MS4A18: variants seen among roughly 807,000 people sequenced by gnomAD.
MS4A18 encodes membrane-spanning 4-domains subfamily A member 18.
MS4A18 carries 27 observed loss-of-function variants against 13.1 expected under a neutral mutation model. The ratio of observed to expected loss-of-function variants is 2.06; its 90% confidence interval spans 1.52 to 2.84. The LOEUF (loss-of-function observed/expected upper bound fraction) is 2.84. MS4A18 is among the 30% of genes most tolerant of loss of function. The pLI, the probability that MS4A18 is intolerant of heterozygous loss-of-function variation, is 0.00. For synonymous variants in MS4A18, 126 were observed against 76.5 expected (o/e 1.65, Z -3.38); for missense variants, 307 against 196.4 (o/e 1.56, Z -3.37).
At chr11:60,728,669 T>C (rs1490627148), upstream of MS4A18, among the ~76,000 whole-genome samples, 5 of 151,922 alleles carry the variant, frequency 3.3e-5, no homozygotes, top group Non-Finnish European at 7.4e-5. Context: ...GTCTTCTTTC[T>C]CCTTCCCTCT....
At chr11:60,729,575 G>C in exon 1 of MS4A18, 1 of 702,730 alleles carries the variant, frequency 1.4e-6, no homozygotes. Flanking sequence ...TATCCAGTGG[G>C]AACAGCCAGT....
At chr11:60,729,307 T>C (rs1853213309) in exon 1 of MS4A18, 1 of 700,792 alleles carries the variant, frequency 1.4e-6, no homozygotes, top group South Asian at 1.5e-5. Flanking sequence ...TTTGCAGCAG[T>C]TGTACACCAT....
At chr11:60,729,168 C>T, upstream of MS4A18, 1 of 601,326 alleles carries the variant, frequency 1.7e-6, no homozygotes, top group Non-Finnish European at 3.0e-6. Context: ...CCAAGAAAGG[C>T]AAGAAGTTTA....
chr11:60,725,367 G>T (rs1853134484), upstream of MS4A18, among the ~76,000 whole-genome samples: 1 of 152,058 alleles, frequency 6.6e-6, no homozygotes, highest in African/African-American at 2.4e-5. Context: ...CTAATTTTTT[G>T]TATTTTTTAG....
chr11:60,726,982 T>C (rs558442282), upstream of MS4A18, among the ~76,000 whole-genome samples: 2 of 152,038 alleles, frequency 1.3e-5, no homozygotes, highest in East Asian at 3.9e-4. Flanking sequence ...CCTGTGTCCA[T>C]GTGTTCTCAT....
upstream of MS4A18, among the ~76,000 whole-genome samples, chr11:60,724,901 G>C (rs1365902639): frequency 6.6e-6 from 1 of 152,190 alleles, no homozygotes; most frequent in South Asian, 2.1e-4. Context: ...AGAACCACAA[G>C]GAATCAGGGG....
chr11:60,728,434 CTG>C (rs200157979), upstream of MS4A18, among the ~76,000 whole-genome samples: 9 of 147,854 alleles, frequency 6.1e-5, no homozygotes, highest in Admixed American at 4.0e-4. Context: ...GTGTGTGTAT[CTG>C]TGTGTGTGTC....
At chr11:60,729,877 G>A (rs1204012747) in intron 1 of MS4A18, 91 bp downstream of exon 2, 2 of 620,588 alleles carry the variant, frequency 3.2e-6, no homozygotes, top group East Asian at 2.7e-5. Flanking sequence ...TGTTGAGAGG[G>A]TAAAGGGGAG....
chr11:60,740,897 A>G (rs1565062061), intron 4 of MS4A18, 133 bp from the exon 6 acceptor site: 1 of 657,486 alleles, frequency 1.5e-6, no homozygotes, highest in Non-Finnish European at 2.8e-6. Flanking sequence ...TGACCCAAGC[A>G]CCTGCTCCAA....
upstream of MS4A18, among the ~76,000 whole-genome samples, chr11:60,727,854 T>C (rs1439632986): frequency 6.6e-6 from 1 of 152,168 alleles, no homozygotes; most frequent in Non-Finnish European, 1.5e-5. Flanking sequence ...GCACACTTGC[T>C]CCCCAGCATC....
intron 4 of MS4A18, 136 bp downstream of exon 5, chr11:60,739,133 C>T (rs1853382570): frequency 1.6e-6 from 1 of 620,412 alleles, no homozygotes; most frequent in Non-Finnish European, 2.9e-6. Flanking sequence ...AGCTATTTAA[C>T]CGTCACCAAA....
chr11:60,729,417 T>C, exon 1 of MS4A18: 1 of 702,836 alleles, frequency 1.4e-6, no homozygotes, highest in South Asian at 1.5e-5. Flanking sequence ...CTGGAAATCA[T>C]CTGCAGCCTT....
intron 1 of MS4A18, among the ~76,000 whole-genome samples, chr11:60,732,080 G>A (rs912973606): frequency 6.6e-6 from 1 of 152,126 alleles, no homozygotes; most frequent in South Asian, 2.1e-4. Context: ...AGCTGCCCTA[G>A]GCTAGTCATT....
chr11:60,740,997 G>A (rs1172030449), intron 4 of MS4A18, 33 bp from the exon 6 acceptor site: 4 of 702,838 alleles, frequency 5.7e-6, no homozygotes, highest in Non-Finnish European at 1.0e-5. Context: ...CAACCTGAAG[G>A]ACTAAATGCC....
chr11:60,744,638 C>T (rs1208459538), downstream of MS4A18, among the ~76,000 whole-genome samples: 2 of 151,928 alleles, frequency 1.3e-5, no homozygotes, highest in African/African-American at 4.8e-5. Context: ...CATGTTTCCA[C>T]AATATATAAA....
intron 4 of MS4A18, among the ~76,000 whole-genome samples, chr11:60,740,781 TAGGCTTC>T (rs1485995626): frequency 6.6e-6 from 1 of 152,122 alleles, no homozygotes; most frequent in Non-Finnish European, 1.5e-5. Context: ...AACAGCAAAG[TAGGCTTC>T]AGAGGCCAGA....
upstream of MS4A18, among the ~76,000 whole-genome samples, chr11:60,726,119 C>T (rs374074388): frequency 6.6e-6 from 1 of 152,160 alleles, no homozygotes; most frequent in African/African-American, 2.4e-5. Flanking sequence ...AAATTTGAGT[C>T]TCAGATCTAT....
chr11:60,729,351 T>C lies in MS4A18; in HGVS notation c.36T>C (p.Pro12=), dbSNP rs1460311332. Residue 12 remains proline, a synonymous_variant, in exon 1 of 6, where the codon CCT becomes CCC. Transcript: ENST00000529108. ...AGGTGATTGGAGCCAACAGTGTACC[T>C]GGCATTATTGCCCCAGATAATGTTC... 3 of 702,716 alleles carry C rather than the reference T, an allele frequency of 4.3e-6. No homozygotes were observed. In the African/African-American group the frequency reaches 5.2e-5, roughly 12 times the overall value. The allele number at this position is 702,716 out of a possible 1,614,324, so 43.5% of individuals were successfully genotyped here.
At chr11:60,738,022 A>T (rs2013549) in intron 3 of MS4A18, among the ~76,000 whole-genome samples, 21,004 of 152,192 alleles carry the variant, frequency 0.14, 1,573 homozygotes, top group East Asian at 0.25. Context: ...CCCTAAGGTG[A>T]CTGCTGACTC....
Sources: allele counts gnomAD v4.1 joint callset (sites outside exome capture counted in the v4.1 genomes callset), GRCh38; gene constraint gnomAD v4.1.1; transcripts MANE v1.5; gene names NCBI Gene and HGNC (gene_info 2026-07-23, HGNC 2026-07-21).